CSMD3: variants seen among roughly 807,000 people sequenced by gnomAD.
The protein encoded by CSMD3 is CUB and sushi domain-containing protein 3.
Under a neutral mutation model 435.2 loss-of-function variants are expected in CSMD3, and 177 were observed. That is an observed-to-expected ratio of 0.41 (90% confidence interval 0.36 to 0.46). The LOEUF is 0.46. Among genes scored for constraint, CSMD3 ranks in the 20% least tolerant of loss-of-function variants. The pLI, the probability that CSMD3 is intolerant of heterozygous loss-of-function variation, is 0.34. For missense variants in CSMD3, 4,265 were observed against 4,504.6 expected (o/e 0.95, Z 1.52); for synonymous variants, 1,656 against 1,520.5 (o/e 1.09, Z -2.07).
At chr8:112,680,390 G>A (rs2075862772) in intron 16 of CSMD3, among the ~76,000 whole-genome samples, 3 of 151,890 alleles carry the variant, frequency 2.0e-5, no homozygotes, top group Admixed American at 1.3e-4. Context: ...AAACAAAAAT[G>A]CTAATGTAGA....
intron 6 of CSMD3, among the ~76,000 whole-genome samples, chr8:112,998,046 C>A (rs1212979821): frequency 6.6e-6 from 1 of 151,418 alleles, no homozygotes; most frequent in Non-Finnish European, 1.5e-5. Context: ...CAGATTCTTT[C>A]CCTTTATCTT....
At chr8:112,531,117 T>C (rs1459367877) in intron 27 of CSMD3, among the ~76,000 whole-genome samples, 2 of 151,904 alleles carry the variant, frequency 1.3e-5, no homozygotes, top group African/African-American at 4.8e-5. Context: ...CATCTTCCAC[T>C]TGAGGGAAGG....
At chr8:113,134,957 G>C (rs1007167785) in intron 4 of CSMD3, among the ~76,000 whole-genome samples, 6 of 152,084 alleles carry the variant, frequency 3.9e-5, no homozygotes, top group Middle Eastern at 3.4e-3. Context: ...ATCTCACCTT[G>C]TAACAACTCA....
chr8:112,881,282 G>A (rs1424267384), intron 10 of CSMD3, among the ~76,000 whole-genome samples: 1 of 151,964 alleles, frequency 6.6e-6, no homozygotes, highest in Non-Finnish European at 1.5e-5. Flanking sequence ...ACATTTTGAG[G>A]AGTCATATTA....
chr8:112,431,300 T>A (rs1164123070), intron 32 of CSMD3, among the ~76,000 whole-genome samples: 2 of 152,142 alleles, frequency 1.3e-5, no homozygotes, highest in African/African-American at 2.4e-5. Context: ...TGAATTTTAT[T>A]TTTGTTTTAA....
At chr8:113,110,577 T>G (rs2090608603) in intron 4 of CSMD3, among the ~76,000 whole-genome samples, 1 of 152,226 alleles carries the variant, frequency 6.6e-6, no homozygotes, top group South Asian at 2.1e-4. Flanking sequence ...TTCTACATTT[T>G]TTTAATGACT....
chr8:112,607,012 T>G (rs1310380181), intron 22 of CSMD3, among the ~76,000 whole-genome samples: 7 of 86,944 alleles, frequency 8.1e-5, no homozygotes, highest in Non-Finnish European at 1.4e-4. Flanking sequence ...TCAAAGTTAG[T>G]GAAAGGAAAA....
At chr8:112,829,863 G>T in intron 11 of CSMD3, 74 bp from the exon 12 acceptor site, 1 of 764,850 alleles carries the variant, frequency 1.3e-6, no homozygotes, top group Non-Finnish European at 2.3e-6. Flanking sequence ...AGCAATGACA[G>T]AAATGCATTC....
chr8:113,353,349 G>A (rs2094202142), intron 1 of CSMD3, among the ~76,000 whole-genome samples: 1 of 152,070 alleles, frequency 6.6e-6, no homozygotes, highest in South Asian at 2.1e-4. Flanking sequence ...AGGAACAAGA[G>A]GCTGTAGAGA....
chr8:112,899,554 G>A (rs2082043808), intron 10 of CSMD3, among the ~76,000 whole-genome samples: 2 of 129,488 alleles, frequency 1.5e-5, no homozygotes, highest in Non-Finnish European at 3.3e-5. Flanking sequence ...TATATTTTGG[G>A]TTAGGTATCT....
rs1307772868 is a variant in CSMD3 at position 112,517,073 on chromosome 8, T to A, written c.4717A>T (p.Asn1573Tyr). The A allele has an allele frequency of 6.2e-7, 1 of 1,613,856 alleles. No individual in the cohort carries two copies. Among genetic ancestry groups the A allele is most frequent in the South Asian group, 1.1e-5 (1 of 91,074 alleles). ...EERITCIQVE[N>Y]RYFWQPSPPV... Reference sequence around the variant, plus strand: ...GGGCTGGGCTGCCAGAAGTACCGATTTTCTACCTGAATGCAGGTTATTCTT... The same window carrying A: ...GGGCTGGGCTGCCAGAAGTACCGATATTCTACCTGAATGCAGGTTATTCTT... Residue 1573 changes from asparagine to tyrosine, a missense_variant, in exon 28 of 71, where the codon AAT (asparagine) becomes TAT (tyrosine). Asn to Tyr is a moderately radical substitution (Grantham distance 143). Around this residue, in one of 3 missense-constraint regions of CSMD3, gnomAD observed 3,255 missense variants for 3,380.2 expected, o/e 0.96. Coordinates refer to ENST00000297405, the MANE Select transcript of CSMD3 (RefSeq NM_198123.2).
At position 113,306,123 on chromosome 8, in the gene CSMD3, TTTC is replaced by T. The variant is rs1322095007; in HGVS notation, c.401+8445_401+8447del. Among the ~76,000 whole-genome samples, 19 of 152,296 alleles carry T rather than the reference TTTC, an allele frequency of 1.2e-4. No individual in the cohort carries two copies. In the East Asian group the frequency reaches 3.7e-3, roughly 29 times the overall value. ...TAAATAACAAAACTCTAGTATTGCT[TTTC>T]TTATTTATTGAGAAATAATAAATAA... On this transcript the variant is annotated intron_variant, in intron 2 of 70. Coordinates refer to ENST00000297405, the MANE Select transcript of CSMD3 (RefSeq NM_198123.2).
intron 10 of CSMD3, among the ~76,000 whole-genome samples, chr8:112,914,655 T>C (rs537453508): frequency 2.6e-5 from 4 of 151,898 alleles, no homozygotes; most frequent in African/African-American, 7.2e-5. Context: ...CTCTTTCTCA[T>C]CAATAATGTC....
intron 13 of CSMD3, among the ~76,000 whole-genome samples, chr8:112,727,488 G>C (rs1026342615): frequency 6.6e-6 from 1 of 151,712 alleles, no homozygotes; most frequent in Non-Finnish European, 1.5e-5. Flanking sequence ...TAAACCCCAA[G>C]GACTATTCTT....
At chr8:113,392,060 A>T (rs2094463348) in intron 1 of CSMD3, among the ~76,000 whole-genome samples, 1 of 152,060 alleles carries the variant, frequency 6.6e-6, no homozygotes, top group African/African-American at 2.4e-5. Context: ...ATGCTTAATG[A>T]TTGACAAAAC....
At chr8:113,194,152 A>G (rs1305733622) in intron 3 of CSMD3, among the ~76,000 whole-genome samples, 4 of 151,404 alleles carry the variant, frequency 2.6e-5, no homozygotes, top group Non-Finnish European at 5.9e-5. Context: ...GTTTAACGTG[A>G]TAAAACAGTA....
chr8:112,656,226 T>C lies in CSMD3; in HGVS notation c.2932A>G (p.Ser978Gly), dbSNP rs2075253954. The C allele has an allele frequency of 1.3e-6, 2 of 1,596,162 alleles. No individual in the cohort carries two copies. Among genetic ancestry groups the C allele is most frequent in the African/African-American group, 1.3e-5 (1 of 74,614 alleles). ...TQVPQFLFSS[S>G]NFIYLLFTTD... ...GTAAATAGAAGGTATATAAAATTAC[T>C]GCTACTAAATAGAAACTGGGGCACT... The change falls in exon 18 of 71, where the codon AGT (serine) becomes GGT (glycine). Residue 978 changes from serine (S) to glycine (G), a missense_variant. This residue lies in a region of CSMD3 where 3,255 missense variants were observed against 3,380.2 expected (regional missense o/e 0.96). Transcript: ENST00000297405.
intron 22 of CSMD3, among the ~76,000 whole-genome samples, chr8:112,617,399 T>C (rs1226934212): frequency 6.6e-6 from 1 of 152,176 alleles, no homozygotes; most frequent in African/African-American, 2.4e-5. Context: ...GAATTAATGT[T>C]TAAAACACAA....
intron 4 of CSMD3, among the ~76,000 whole-genome samples, chr8:113,166,114 A>C (rs2092144065): frequency 6.6e-6 from 1 of 152,186 alleles, no homozygotes; most frequent in African/African-American, 2.4e-5. Flanking sequence ...CCATATTCAA[A>C]TACAAAACTC....
Sources: gnomAD v4.1 joint callset for allele counts (sites outside exome capture counted in the v4.1 genomes callset) on GRCh38, gnomAD v4.1.1 for gene constraint, gnomAD v4.1.1 regional missense constraint, MANE v1.5 for transcripts, NCBI Gene and HGNC (gene_info 2026-07-23, HGNC 2026-07-21) for gene names.